The following TP63 variants were observed in gnomAD, a reference collection of about 807,000 sequenced individuals.
TP63 encodes tumor protein 63.
Under a neutral mutation model 82.8 loss-of-function variants are expected in TP63, and 17 were observed. The ratio of observed to expected loss-of-function variants is 0.21; its 90% confidence interval spans 0.14 to 0.31. The LOEUF is 0.31. TP63 is among the 10% of genes least tolerant of loss of function. The probability of loss-of-function intolerance (pLI) is 1.00; values close to 1 mark genes in which losing one functional copy is unlikely to be tolerated. For missense variants in TP63, 648 were observed against 895.3 expected (o/e 0.72, Z 3.52); for synonymous variants, 330 against 321.7 (o/e 1.03, Z -0.28).
At chr3:189,680,608 A>G (rs6776687) in intron 1 of TP63, among the ~76,000 whole-genome samples, 146,527 of 152,314 alleles carry the variant, frequency 0.96, 70,547 homozygotes, top group East Asian at 0.98. Context: ...ACTTACCACA[A>G]GAATCACAAG....
At chr3:189,709,972 G>A (rs540164172) in intron 1 of TP63, among the ~76,000 whole-genome samples, 75 of 152,168 alleles carry the variant, frequency 4.9e-4, no homozygotes, top group Non-Finnish European at 9.1e-4. Context: ...TAAATGCTTT[G>A]AGTTATTTAA....
At chr3:189,865,780 A>G (rs1466614722) in intron 5 of TP63, among the ~76,000 whole-genome samples, 2 of 152,354 alleles carry the variant, frequency 1.3e-5, no homozygotes, top group Non-Finnish European at 2.9e-5. Flanking sequence ...ACAATCTGCC[A>G]TAAAGAATAT....
In TP63 at chr3:189,712,474, G is replaced by A. The variant is rs546144996; in HGVS notation, c.63-25266G>A. ...TTAGATCAAGGCACTGGTGGATTCC[G>A]TCTGATGAGCACCAGCTTTTTCATA... On this transcript the variant is annotated intron_variant, in intron 1 of 13. Transcript: ENST00000264731. Among the ~76,000 whole-genome samples the A allele has an allele frequency of 5.9e-5, 9 of 152,218 alleles. No homozygotes were observed. The South Asian group carries it at 6.2e-4, about 11-fold the overall frequency.
chr3:189,796,161 A>G (rs2108608060), intron 3 of TP63, among the ~76,000 whole-genome samples: 1 of 152,200 alleles, frequency 6.6e-6, no homozygotes, highest in East Asian at 1.9e-4. Flanking sequence ...ATAACAGAGC[A>G]GAGGGAAATA....
chr3:189,736,742 T>C (rs1720622387), intron 1 of TP63, among the ~76,000 whole-genome samples: 1 of 152,028 alleles, frequency 6.6e-6, no homozygotes, highest in Non-Finnish European at 1.5e-5. Flanking sequence ...AATAGTATTA[T>C]CTTCTACTGT....
intron 1 of TP63, among the ~76,000 whole-genome samples, chr3:189,635,744 C>G (rs773597562): frequency 2.6e-5 from 4 of 152,040 alleles, no homozygotes; most frequent in Non-Finnish European, 5.9e-5. Flanking sequence ...TTCCTTACCC[C>G]CTCATTAAAC....
Position 189,808,381 on chromosome 3 carries a change from C to T in TP63, c.434C>T (p.Ala145Val), listed in dbSNP as rs1225645471. 3.1e-6 allele frequency: 5 copies of T among 1,614,210 alleles called. No individual in the cohort carries two copies. The highest frequency in any genetic ancestry group is 3.4e-6 in the Non-Finnish European group (4 of 1,180,052). The part of the protein sequence containing the change: ...NTDHAQNSVT[A>V]PSPYAQPSST... ...GACCACGCGCAGAACAGCGTCACGGCGCCCTCGCCCTACGCACAGCCCAGC... is the reference window on the plus strand; with the variant it reads ...GACCACGCGCAGAACAGCGTCACGGTGCCCTCGCCCTACGCACAGCCCAGC... Residue 145 changes from alanine to valine, a missense_variant, in exon 4 of 14, where the codon GCG (alanine) becomes GTG (valine). Physicochemically the swap from Ala to Val is moderately conservative, Grantham distance 64. Around this residue, in one of 5 missense-constraint regions of TP63, gnomAD observed 182 missense variants for 213.6 expected, o/e 0.85. Transcript: ENST00000264731.
At chr3:189,854,796 T>G (rs1167203504) in intron 4 of TP63, among the ~76,000 whole-genome samples, 1 of 152,198 alleles carries the variant, frequency 6.6e-6, no homozygotes, top group East Asian at 1.9e-4. Flanking sequence ...AACATCGTTT[T>G]AAATACTCAA....
chr3:189,731,301 G>A (rs1720154986), intron 1 of TP63, among the ~76,000 whole-genome samples: 2 of 151,948 alleles, frequency 1.3e-5, no homozygotes, highest in South Asian at 4.2e-4. Context: ...CCAAGATGGT[G>A]CCACAAGACT....
At chr3:189,868,119 A>G (rs1057315486) in intron 7 of TP63, among the ~76,000 whole-genome samples, 177 bp downstream of exon 7, 2 of 152,216 alleles carry the variant, frequency 1.3e-5, no homozygotes, top group South Asian at 2.1e-4. Flanking sequence ...AGACAAAGGA[A>G]GGTGGGTAAA....
intron 1 of TP63, among the ~76,000 whole-genome samples, chr3:189,720,072 C>A (rs1392638541): frequency 1.3e-5 from 2 of 152,172 alleles, no homozygotes; most frequent in East Asian, 3.9e-4. Context: ...CTCTGCCAAA[C>A]CCTGTCTCAA....
intron 3 of TP63, among the ~76,000 whole-genome samples, chr3:189,807,864 T>C (rs1031014099): frequency 6.6e-6 from 1 of 152,178 alleles, no homozygotes; most frequent in African/African-American, 2.4e-5. Context: ...ACCTATCAAG[T>C]GGTCTTTCTC....
intron 1 of TP63, among the ~76,000 whole-genome samples, chr3:189,679,131 A>G (rs1715697077): frequency 6.6e-6 from 1 of 151,960 alleles, no homozygotes; most frequent in African/African-American, 2.4e-5. Context: ...TACTGATTTC[A>G]TTTATTCTGT....
intron 1 of TP63, among the ~76,000 whole-genome samples, chr3:189,731,334 C>G (rs1229219968): frequency 7.0e-6 from 1 of 142,376 alleles, no homozygotes; most frequent in African/African-American, 2.7e-5. Flanking sequence ...AGAGAGAAAG[C>G]CTTCATCTCA....
At chr3:189,882,464 C>CT (rs35439891) in intron 10 of TP63, among the ~76,000 whole-genome samples, 27,638 of 142,436 alleles carry the variant, frequency 0.19, 3,217 homozygotes, top group Middle Eastern at 0.3. Context: ...CATGTTTTCC[C>CT]TTTTTTTTTT....
intron 1 of TP63, among the ~76,000 whole-genome samples, chr3:189,677,336 A>ATATATAAATATATATAAATAAT (rs1715503894): frequency 6.8e-6 from 1 of 146,460 alleles, no homozygotes; most frequent in Non-Finnish European, 1.5e-5. Context: ...ACATATTTAT[A>ATATATAAATATATATAAATAAT]TATATAAATA....
At chr3:189,789,732 G>A (rs202103123) in intron 3 of TP63, 3 of 1,448,480 alleles carry the variant, frequency 2.1e-6, no homozygotes, top group East Asian at 2.6e-5. Context: ...AGGGTCTCGG[G>A]GTGGGGGGGT....
At chr3:189,735,959 C>T (rs1720561632) in intron 1 of TP63, among the ~76,000 whole-genome samples, 1 of 151,900 alleles carries the variant, frequency 6.6e-6, no homozygotes, top group Admixed American at 6.6e-5. Context: ...GGTAGTTTTA[C>T]AAGATGTTGC....
intron 1 of TP63, among the ~76,000 whole-genome samples, chr3:189,718,622 C>T (rs571371267): frequency 6.6e-6 from 1 of 151,566 alleles, no homozygotes; most frequent in Non-Finnish European, 1.5e-5. Flanking sequence ...CCTGAAAATA[C>T]TGCATAAATA....
Sources: allele counts gnomAD v4.1 joint callset (sites outside exome capture counted in the v4.1 genomes callset), GRCh38; gene constraint gnomAD v4.1.1; regional missense constraint gnomAD v4.1.1; transcripts MANE v1.5; gene names NCBI Gene and HGNC (gene_info 2026-07-23, HGNC 2026-07-21).